Variants in RIC1 observed in about 807,000 individuals in gnomAD.
RIC1 encodes RIC1 partner of RAB6A GEF complex, also known as guanine nucleotide exchange factor subunit RIC1.
A neutral mutation model predicts 169.0 loss-of-function variants in RIC1; 88 were observed. The ratio of observed to expected loss-of-function variants is 0.52; its 90% CI spans 0.44 to 0.62. The LOEUF (loss-of-function observed/expected upper bound fraction) is 0.62, where lower values mean the gene tolerates loss of function less well. Ranked by LOEUF, RIC1 falls within the 20% of genes least tolerant of loss-of-function variation. The pLI, the probability that RIC1 is intolerant of heterozygous loss-of-function variation, is 0.00. For missense variants in RIC1, 1,877 were observed against 1,725.5 expected (o/e 1.09, Z -1.56); for synonymous variants, 790 against 601.5 (o/e 1.31, Z -4.59).
At chr9:5,701,734 G>A (rs1280503419) in intron 3 of RIC1, among the ~76,000 whole-genome samples, 1 of 152,094 alleles carries the variant, frequency 6.6e-6, no homozygotes, top group Admixed American at 6.5e-5. Context: ...TATGAATATG[G>A]TAGGTAGTGC....
At chr9:5,671,592 A>G (rs988709878) in intron 2 of RIC1, among the ~76,000 whole-genome samples, 1 of 152,240 alleles carries the variant, frequency 6.6e-6, no homozygotes, top group Non-Finnish European at 1.5e-5. Context: ...ATTTTATATC[A>G]TAATGAAAGA....
At chr9:5,664,822 C>G (rs987096597) in intron 2 of RIC1, among the ~76,000 whole-genome samples, 4 of 152,072 alleles carry the variant, frequency 2.6e-5, no homozygotes, top group African/African-American at 7.2e-5. Context: ...ATTCTTTTTT[C>G]TCTATTCTTG....
chr9:5,751,789 A>G lies in RIC1; in HGVS notation c.1453-1411A>G, dbSNP rs751879943. 4.5e-4 allele frequency among the ~76,000 whole-genome samples: 68 copies of G among 152,346 alleles called. 1 individual carries two copies. The highest frequency in any genetic ancestry group is 9.8e-4 in the Admixed American group (15 of 15,296). ...TAAGTGAAGTATAACAAACAGTTTT[A>G]TCAAATTTTATCAAGGTTAATACAG... On this transcript the variant is annotated intron_variant, in intron 12 of 25. Transcript: ENST00000414202.
In RIC1 at chr9:5,681,413, G is replaced by A. The variant is rs533431980; in HGVS notation, c.253-8546G>A. On this transcript the variant is annotated intron_variant, in intron 2 of 25. Coordinates refer to ENST00000414202, the MANE Select transcript of RIC1 (RefSeq NM_020829.4). ...ACATCTTTATTTCTGCCTTCATTTC[G>A]CAGGAGCAGGTTGTTCAGTGTCCAT... 9.3e-5 allele frequency among the ~76,000 whole-genome samples: 14 copies of A among 149,958 alleles called. 1 individual carries two copies. In the South Asian group the frequency reaches 1.0e-3, roughly 11 times the overall value.
rs77165192 is a variant in RIC1 at position 5,647,936 on chromosome 9, G to GGGTGGT, written c.145-8615_145-8610dup. 7.1e-3 allele frequency among the ~76,000 whole-genome samples: 856 copies of GGGTGGT among 121,222 alleles called. 12 individuals are homozygous for GGGTGGT. The highest frequency in any genetic ancestry group is 0.015 in the South Asian group (48 of 3,170). 79.5% of individuals were successfully genotyped at this position (121,222 alleles called of 152,430 possible). A position where few individuals can be genotyped will look rare whatever the true frequency, so the allele number is the denominator to read the frequency against. ...GTTTTTTGTTTGTGTGTGTGGGGGT[G>GGGTGGT]GGTGGTGGTGGTGGTGGTGGTGGTG... On this transcript the variant is annotated intron_variant, in intron 1 of 25. Coordinates refer to ENST00000414202, the MANE Select transcript of RIC1 (RefSeq NM_020829.4).
chr9:5,752,856 A>T (rs2131034693), intron 12 of RIC1, among the ~76,000 whole-genome samples: 1 of 152,330 alleles, frequency 6.6e-6, no homozygotes, highest in South Asian at 2.1e-4. Flanking sequence ...GGTTTATATC[A>T]GCAAACCCAA....
intron 1 of RIC1, among the ~76,000 whole-genome samples, chr9:5,651,542 C>T (rs894078307): frequency 1.4e-5 from 2 of 138,786 alleles, no homozygotes; most frequent in African/African-American, 2.6e-5. Context: ...TTGGGTCTTA[C>T]ATTTAAGTCT....
chr9:5,741,753 T>G (rs931086265), intron 8 of RIC1, among the ~76,000 whole-genome samples: 2 of 152,234 alleles, frequency 1.3e-5, no homozygotes, highest in African/African-American at 2.4e-5. Flanking sequence ...AATCCCAAAA[T>G]CTGAAGCCTT....
intron 2 of RIC1, among the ~76,000 whole-genome samples, chr9:5,676,768 G>A (rs11792725): frequency 0.076 from 11,499 of 152,092 alleles, 561 homozygotes; most frequent in East Asian, 0.26. Flanking sequence ...CAATTACTTT[G>A]TGTTTTCTGG....
intron 24 of RIC1, 55 bp from the exon 25 acceptor site, chr9:5,772,837 G>A (rs563306781): frequency 1.4e-5 from 22 of 1,566,150 alleles, no homozygotes; most frequent in Admixed American, 7.0e-5. Context: ...TTGCACTTCT[G>A]TACATCTTAT....
At chr9:5,722,122 A>G (rs919285455) in intron 6 of RIC1, among the ~76,000 whole-genome samples, 1 of 151,434 alleles carries the variant, frequency 6.6e-6, no homozygotes, top group Non-Finnish European at 1.5e-5. Context: ...TACCAACCTC[A>G]GGTGATCCAC....
At chr9:5,665,824 C>G (rs947146113) in intron 2 of RIC1, among the ~76,000 whole-genome samples, 1 of 152,158 alleles carries the variant, frequency 6.6e-6, no homozygotes, top group Non-Finnish European at 1.5e-5. Context: ...AGCTCCTTCA[C>G]AGGGGGGTAC....
chr9:5,663,699 G>C (rs1278639829), intron 2 of RIC1, among the ~76,000 whole-genome samples: 1 of 152,120 alleles, frequency 6.6e-6, no homozygotes, highest in Non-Finnish European at 1.5e-5. Flanking sequence ...TGGGATGTGT[G>C]TCTTTGCACA....
At chr9:5,686,263 C>T (rs913988244) in intron 2 of RIC1, among the ~76,000 whole-genome samples, 14 of 151,806 alleles carry the variant, frequency 9.2e-5, no homozygotes, top group Non-Finnish European at 1.9e-4. Context: ...TTGACCCAGC[C>T]ATCCCATTAC....
At chr9:5,692,101 G>C (rs1286886789) in intron 3 of RIC1, among the ~76,000 whole-genome samples, 1 of 152,020 alleles carries the variant, frequency 6.6e-6, no homozygotes, top group Non-Finnish European at 1.5e-5. Context: ...CTTAATTTGG[G>C]CATTCTTTTA....
At chr9:5,726,573 T>C (rs142745467) in intron 6 of RIC1, among the ~76,000 whole-genome samples, 41 of 152,362 alleles carry the variant, frequency 2.7e-4, no homozygotes, top group Non-Finnish European at 5.3e-4. Flanking sequence ...ACTATTGTTA[T>C]GTGTGAATTT....
At chr9:5,649,084 A>C (rs894074887) in intron 1 of RIC1, among the ~76,000 whole-genome samples, 1 of 152,180 alleles carries the variant, frequency 6.6e-6, no homozygotes, top group South Asian at 2.1e-4. Context: ...GCAATGAGCT[A>C]TGATTGTGCC....
chr9:5,650,316 C>T (rs1257206130), intron 1 of RIC1, among the ~76,000 whole-genome samples: 1 of 151,882 alleles, frequency 6.6e-6, no homozygotes, highest in Non-Finnish European at 1.5e-5. Flanking sequence ...TGTAGGAGTG[C>T]GTATGTGTGA....
At chr9:5,658,054 G>A (rs1338008441) in intron 2 of RIC1, among the ~76,000 whole-genome samples, 1 of 152,084 alleles carries the variant, frequency 6.6e-6, no homozygotes, top group African/African-American at 2.4e-5. Flanking sequence ...AATGCACTGT[G>A]TAGTAACACA....
Sources: allele counts gnomAD v4.1 joint callset (sites outside exome capture counted in the v4.1 genomes callset), GRCh38; gene constraint gnomAD v4.1.1; transcripts MANE v1.5; gene names NCBI Gene and HGNC (gene_info 2026-07-23, HGNC 2026-07-21).